EML5: variants seen among roughly 807,000 people sequenced by gnomAD.
The protein encoded by EML5 is echinoderm microtubule-associated protein-like 5.
A neutral mutation model predicts 250.0 loss-of-function variants in EML5; 120 were observed. The observed-to-expected ratio is 0.48, with a 90% CI of 0.41 to 0.56. The LOEUF is 0.56. EML5 is among the 20% of genes least tolerant of loss of function. The pLI, the probability that EML5 is intolerant of heterozygous loss-of-function variation, is 0.00. For missense variants in EML5, 2,006 were observed against 2,437.6 expected (o/e 0.82, Z 3.73); for synonymous variants, 771 against 806.5 (o/e 0.96, Z 0.75).
rs191831548 is a variant in EML5, at chr14:88,688,169, G to C, written c.2742+102C>G. 3.4e-5 allele frequency: 39 copies of C among 1,148,338 alleles called. No homozygotes were observed. In the African/African-American group the frequency reaches 4.9e-4, roughly 14 times the overall value. 71.1% of individuals were successfully genotyped at this position (1,148,338 alleles called of 1,614,324 possible). On this transcript the variant is annotated intron_variant, in intron 18 of 43. Coordinates refer to ENST00000554922, the MANE Select transcript of EML5 (RefSeq NM_183387.3). ...GACCCTAGCCCACAGACTACTGCTG[G>C]ATAGTCCAGGCAAGTAGAAAGGCAG...
intron 1 of EML5, among the ~76,000 whole-genome samples, chr14:88,786,107 C>G (rs2094548633): frequency 6.6e-6 from 1 of 152,138 alleles, no homozygotes; most frequent in Admixed American, 6.6e-5. Flanking sequence ...TTGATAGTCC[C>G]TTTACTTAAC....
intron 6 of EML5, among the ~76,000 whole-genome samples, chr14:88,737,350 G>A (rs74075867): frequency 7.7e-4 from 117 of 152,322 alleles, no homozygotes; most frequent in African/African-American, 2.6e-3. Context: ...AGACGCCAAC[G>A]CCCAAGGCAG....
intron 1 of EML5, among the ~76,000 whole-genome samples, chr14:88,791,804 G>A (rs967996059): frequency 1.3e-5 from 2 of 152,150 alleles, no homozygotes; most frequent in Non-Finnish European, 2.9e-5. Context: ...GGTGAAACCT[G>A]AACTAATAAT....
intron 33 of EML5, among the ~76,000 whole-genome samples, chr14:88,630,182 C>T (rs2090360797): frequency 6.6e-6 from 1 of 151,820 alleles, no homozygotes; most frequent in Non-Finnish European, 1.5e-5. Context: ...AGGCACCTGC[C>T]ACCATGCCTA....
chr14:88,664,391 T>C (rs1595434290), intron 23 of EML5, 102 bp downstream of exon 23: 9 of 969,250 alleles, frequency 9.3e-6, no homozygotes, highest in African/African-American at 3.4e-5. Flanking sequence ...TTTTTCCCAA[T>C]TCTTTTTAAC....
At chr14:88,659,306 G>A (rs1395137618) in intron 25 of EML5, among the ~76,000 whole-genome samples, 1 of 151,818 alleles carries the variant, frequency 6.6e-6, no homozygotes, top group African/African-American at 2.4e-5. Context: ...CCGCCTCCTG[G>A]TTCAAGCGAT....
At chr14:88,631,779 A>G (rs186711518) in intron 33 of EML5, among the ~76,000 whole-genome samples, 85 of 152,224 alleles carry the variant, frequency 5.6e-4, no homozygotes, top group African/African-American at 2.0e-3. Context: ...TCAAAAAAAG[A>G]AAAAAACAAA....
intron 35 of EML5, chr14:88,626,440 C>T (rs953839194): frequency 3.8e-5 from 7 of 184,094 alleles, no homozygotes; most frequent in Admixed American, 5.4e-5. Flanking sequence ...GGCAACATAG[C>T]GAAACCCTGT....
At chr14:88,703,243 G>A (rs1332956410) in intron 13 of EML5, among the ~76,000 whole-genome samples, 2 of 152,068 alleles carry the variant, frequency 1.3e-5, no homozygotes, top group Admixed American at 6.6e-5. Flanking sequence ...CTTTTTATAA[G>A]TAAAAGGTAT....
rs2093461172 is a variant in EML5 at position 88,714,526 on chromosome 14, TAA to T, written c.1444+411_1444+412del. Among the ~76,000 whole-genome samples, 5 of 152,268 alleles carry T rather than the reference TAA, an allele frequency of 3.3e-5. No individual in the cohort carries two copies. In the South Asian group the frequency reaches 1.0e-3, roughly 32 times the overall value. ...ACTGTATGATATACCTGAAATTTGC[TAA>T]GAGAGTGGAACTTAAATGTTCTCAC... On this transcript the variant is annotated intron_variant, in intron 9 of 43. Coordinates refer to ENST00000554922, the MANE Select transcript of EML5 (RefSeq NM_183387.3).
chr14:88,639,068 T>G (rs995218182), intron 31 of EML5, among the ~76,000 whole-genome samples, 161 bp from the exon 32 acceptor site: 9 of 152,150 alleles, frequency 5.9e-5, no homozygotes, highest in African/African-American at 1.4e-4. Context: ...GAAAAATGAT[T>G]CAGAATTATG....
intron 1 of EML5, among the ~76,000 whole-genome samples, chr14:88,776,347 G>T (rs1401059741): frequency 6.6e-6 from 1 of 152,070 alleles, no homozygotes; most frequent in Admixed American, 6.6e-5. Flanking sequence ...CTGTGTTGAA[G>T]AAACTCAAAG....
intron 20 of EML5, among the ~76,000 whole-genome samples, 180 bp downstream of exon 20, chr14:88,684,816 AAATTTTTTCTGTATACATT>A (rs1355241373): frequency 6.6e-6 from 1 of 152,118 alleles, no homozygotes; most frequent in Non-Finnish European, 1.5e-5. Flanking sequence ...AGAAAAAAAC[AAATTTTTTCTGTATACATT>A]AATTTTTTCT....
intron 1 of EML5, among the ~76,000 whole-genome samples, chr14:88,765,321 G>A (rs746852173): frequency 9.9e-5 from 15 of 152,120 alleles, no homozygotes; most frequent in Non-Finnish European, 1.0e-4. Flanking sequence ...CATTCAGAAC[G>A]TTAGCTGAAT....
chr14:88,690,355 T>A (rs1046975662), intron 17 of EML5, among the ~76,000 whole-genome samples: 1 of 152,200 alleles, frequency 6.6e-6, no homozygotes, highest in Admixed American at 6.5e-5. Flanking sequence ...AGGTCAAGGA[T>A]GAAAGGAGTT....
Position 88,621,301 on chromosome 14 carries a change from C to T in EML5, c.5014G>A (p.Gly1672Ser), listed in dbSNP as rs2088867430. 3 of 1,613,678 alleles carry T rather than the reference C, an allele frequency of 1.9e-6. No homozygotes were observed. Among genetic ancestry groups the T allele is most frequent in the Admixed American group, 1.7e-5 (1 of 59,986 alleles). ...TTCCTTGTCCCAACAAGGATCTTGC[C>T]CTGAAACACAAGCAGGACCAATACA... ...DCVRSVCRGK[G>S]KILVGTRNAE... The change falls in exon 38 of 44, where the codon GGC (glycine) becomes AGC (serine). Residue 1672 changes from glycine to serine, a missense_variant and splice_region_variant. Physicochemically the swap from Gly to Ser is moderately conservative, Grantham distance 56. Around this residue, in one of 7 missense-constraint regions of EML5, gnomAD observed 405 missense variants for 523.3 expected, o/e 0.77. Coordinates refer to ENST00000554922, the MANE Select transcript of EML5 (RefSeq NM_183387.3).
intron 27 of EML5, among the ~76,000 whole-genome samples, chr14:88,654,869 G>A (rs991201339): frequency 6.6e-6 from 1 of 152,122 alleles, no homozygotes; most frequent in African/African-American, 2.4e-5. Flanking sequence ...AATATTGACA[G>A]TGGGGTGTTA....
At chr14:88,641,786 T>C (rs945884846) in intron 31 of EML5, among the ~76,000 whole-genome samples, 1 of 152,154 alleles carries the variant, frequency 6.6e-6, no homozygotes, top group African/African-American at 2.4e-5. Context: ...CTAGTCTCCA[T>C]CTGCCCTCTC....
At position 88,618,252 on chromosome 14, in the gene EML5, C is replaced by G; in HGVS notation, c.5618G>C (p.Arg1873Thr). Reference protein sequence around the residue: ...KHLMDHAAIDRITWATWTSIL... With the variant: ...KHLMDHAAIDTITWATWTSIL... ...CCTAGTCCATGTAGCCCAAGTAATTCTGTCAATAGCGGCATGATCCATAAG... is the reference window on the plus strand; with the variant it reads ...CCTAGTCCATGTAGCCCAAGTAATTGTGTCAATAGCGGCATGATCCATAAG... Residue 1873 changes from arginine to threonine, a missense_variant, in exon 41 of 44, where the codon AGA (arginine) becomes ACA (threonine). Physicochemically the swap from Arg to Thr is moderately conservative, Grantham distance 71 (BLOSUM62 -1). Coordinates refer to ENST00000554922, the MANE Select transcript of EML5 (RefSeq NM_183387.3). 1 of 1,613,762 alleles carries G rather than the reference C, an allele frequency of 6.2e-7. No individual in the cohort carries two copies. The highest frequency in any genetic ancestry group is 2.2e-5 in the East Asian group (1 of 44,858).
Sources: allele counts gnomAD v4.1 joint callset (sites outside exome capture counted in the v4.1 genomes callset), GRCh38; gene constraint gnomAD v4.1.1; regional missense constraint gnomAD v4.1.1; transcripts MANE v1.5; gene names NCBI Gene and HGNC (gene_info 2026-07-23, HGNC 2026-07-21).